Variants in ARHGEF11 observed in about 807,000 individuals in gnomAD.
ARHGEF11 encodes Rho guanine exchange factor (GEF) 11.
A neutral mutation model predicts 193.7 loss-of-function variants in ARHGEF11; 55 were observed. The ratio of observed to expected loss-of-function variants is 0.28; its 90% CI spans 0.23 to 0.36. The LOEUF (loss-of-function observed/expected upper bound fraction) is 0.36, where lower values mean the gene tolerates loss of function less well. Among genes scored for constraint, ARHGEF11 ranks in the 10% least tolerant of loss-of-function variants. The pLI, the probability that ARHGEF11 is intolerant of heterozygous loss-of-function variation, is 1.00. For synonymous variants in ARHGEF11, 693 were observed against 768.0 expected, an observed-to-expected ratio of 0.90 and a Z score of 1.62; for missense variants, 1,723 against 2,005.6, an observed-to-expected ratio of 0.86 and a Z score of 2.69.
chr1:157,044,803 G>T lies in ARHGEF11; in HGVS notation c.-473C>A. The T allele has an allele frequency of 3.1e-6, 1 of 322,244 alleles. No individual in the cohort carries two copies. The highest frequency in any genetic ancestry group is 5.6e-6 in the Non-Finnish European group (1 of 179,648). 20.0% of individuals were successfully genotyped at this position (322,244 alleles called of 1,614,324 possible). ...AGACCCTCTAGCTCAAAGGGGGAAA[G>T]TAATTTTCTAGTCTCCAATGCTTAA... is the stretch of plus-strand genomic sequence containing the variant. On this transcript the variant is annotated 5_prime_UTR_variant, in exon 1 of 41. Transcript: ENST00000368194.
chr1:156,986,026 C>T (rs1571366245), intron 2 of ARHGEF11, 56 bp downstream of exon 2: 6 of 1,455,658 alleles, frequency 4.1e-6, no homozygotes, highest in Non-Finnish European at 5.8e-6. Flanking sequence ...GCTGGGAATA[C>T]AGGCATGTGC....
intron 7 of ARHGEF11, among the ~76,000 whole-genome samples, chr1:156,972,231 C>T (rs142479341): frequency 8.1e-4 from 123 of 152,322 alleles, no homozygotes; most frequent in Non-Finnish European, 1.3e-3. Flanking sequence ...GAAGCAGTGT[C>T]GACTACAACA....
In ARHGEF11 at chr1:156,937,056, C is replaced by A. The variant is rs1336052971; in HGVS notation, c.4441-51G>T. On this transcript the variant is annotated intron_variant, in intron 39 of 40. Transcript: ENST00000368194. Reference sequence around the variant, plus strand: ...TGCTCGAGTCCTTCTATTCCTAAGGCCCCTGGGGAAGGGGTCTGTGCTGGG... The same window carrying A: ...TGCTCGAGTCCTTCTATTCCTAAGGACCCTGGGGAAGGGGTCTGTGCTGGG... 8 of 1,593,194 alleles carry A rather than the reference C, an allele frequency of 5.0e-6. No homozygotes were observed. The East Asian group carries it at 1.6e-4, about 31-fold the overall frequency.
Position 156,948,119 on chromosome 1 carries a change from C to A in ARHGEF11, c.2153+62G>T. On this transcript the variant is annotated intron_variant, in intron 24 of 40. Transcript: ENST00000368194. The surrounding 1 kb of genome is among the most constrained non-coding windows in gnomAD (Gnocchi z 4.2). Reference sequence around the variant, plus strand: ...ACCAGCCCCTTGCAGGTGAGAGGAGCAGCTGGGTGTGGATGGGACACAGAG... The same window carrying A: ...ACCAGCCCCTTGCAGGTGAGAGGAGAAGCTGGGTGTGGATGGGACACAGAG... 6.5e-7 allele frequency: 1 copy of A among 1,538,426 alleles called. No individual in the cohort carries two copies.
chr1:156,964,163 C>T (rs966938692), intron 11 of ARHGEF11, among the ~76,000 whole-genome samples: 6 of 152,124 alleles, frequency 3.9e-5, no homozygotes, highest in African/African-American at 1.4e-4. Flanking sequence ...ATTTTGTTTG[C>T]CCGCTCAAGA....
intron 3 of ARHGEF11, among the ~76,000 whole-genome samples, chr1:156,981,276 C>CA (rs1485754108): frequency 6.6e-6 from 1 of 151,822 alleles, no homozygotes. Flanking sequence ...CTCCTGGGCT[C>CA]AAGTGATCCT....
intron 1 of ARHGEF11, among the ~76,000 whole-genome samples, chr1:157,009,471 A>C (rs151331492): frequency 6.6e-6 from 1 of 152,346 alleles, no homozygotes; most frequent in African/African-American, 2.4e-5. Context: ...AAGAGAAGTT[A>C]AGTCCAAATC....
intron 1 of ARHGEF11, among the ~76,000 whole-genome samples, chr1:156,993,655 T>G (rs1397832894): frequency 6.6e-6 from 1 of 152,136 alleles, no homozygotes; most frequent in Non-Finnish European, 1.5e-5. Flanking sequence ...GTTTCCCTTA[T>G]CTCCCAGGGT....
intron 10 of ARHGEF11, 23 bp downstream of exon 10, chr1:156,969,259 G>A (rs1302968967): frequency 6.4e-7 from 1 of 1,572,380 alleles, no homozygotes; most frequent in East Asian, 2.3e-5. Flanking sequence ...GTTCTGAATG[G>A]GCCTTGCCCT....
chr1:156,977,852 G>A (rs1418433365), intron 6 of ARHGEF11, among the ~76,000 whole-genome samples: 1 of 152,152 alleles, frequency 6.6e-6, no homozygotes, highest in African/African-American at 2.4e-5. Context: ...AACACTGACT[G>A]GCAATGGTCT....
At chr1:157,019,350 G>A (rs1265842165) in intron 1 of ARHGEF11, among the ~76,000 whole-genome samples, 1 of 152,184 alleles carries the variant, frequency 6.6e-6, no homozygotes, top group Non-Finnish European at 1.5e-5. Context: ...TACTATGTAT[G>A]TACTAACATG....
intron 38 of ARHGEF11, 40 bp from the exon 39 acceptor site, chr1:156,937,536 G>A: frequency 6.7e-7 from 1 of 1,502,004 alleles, no homozygotes. Flanking sequence ...GAGGCAAACA[G>A]AGAAGTCGAA....
chr1:156,999,136 T>A (rs924385958), intron 1 of ARHGEF11, among the ~76,000 whole-genome samples: 1 of 152,218 alleles, frequency 6.6e-6, no homozygotes, highest in African/African-American at 2.4e-5. Flanking sequence ...CTTATCTTTT[T>A]ATATATCCTT....
At chr1:157,032,147 C>T (rs114749640) in intron 1 of ARHGEF11, among the ~76,000 whole-genome samples, 1,946 of 152,266 alleles carry the variant, frequency 0.013, 38 homozygotes, top group African/African-American at 0.044. Flanking sequence ...CTCTAGTAGA[C>T]AGGATTTATT....
chr1:156,956,139 CAG>C (rs1659910750), intron 19 of ARHGEF11, among the ~76,000 whole-genome samples: 1 of 152,114 alleles, frequency 6.6e-6, no homozygotes, highest in Non-Finnish European at 1.5e-5. Context: ...TTTTTTCAGA[CAG>C]AGTCTCACTC....
rs565313287 is a variant in ARHGEF11, at chr1:157,030,325, T to C, written c.32+13974A>G. ...GAGTGCTGAGCCACTTTTGAGGAGA[T>C]TGCATCTTTCCCAGCCTCACTGAAA... On this transcript the variant is annotated intron_variant, in intron 1 of 40. Transcript: ENST00000368194. Among the ~76,000 whole-genome samples the C allele has an allele frequency of 9.2e-5, 14 of 152,136 alleles. No individual in the cohort carries two copies. In the East Asian group the frequency reaches 1.9e-3, roughly 21 times the overall value.
At position 157,044,338 on chromosome 1, in the gene ARHGEF11, C is replaced by A; in HGVS notation, c.-8G>T. ...GGGTAACCTTACACTCATGGTTTCT[C>A]GGTGTCTCCACGGTTCCAGAATCCT... is the stretch of plus-strand genomic sequence containing the variant. On this transcript the variant is annotated 5_prime_UTR_variant, in exon 1 of 41. Transcript: ENST00000368194. 1 of 1,613,686 alleles carries A rather than the reference C, an allele frequency of 6.2e-7. No homozygotes were observed. Among genetic ancestry groups the A allele is most frequent in the Non-Finnish European group, 8.5e-7 (1 of 1,179,842 alleles).
intron 1 of ARHGEF11, among the ~76,000 whole-genome samples, chr1:157,039,030 AAAC>A (rs762667343): frequency 3.9e-5 from 6 of 152,050 alleles, no homozygotes; most frequent in Non-Finnish European, 8.8e-5. Flanking sequence ...AAAAAACAAA[AAAC>A]AAAACCACCT....
chr1:157,036,066 TG>T (rs1317249245), intron 1 of ARHGEF11, among the ~76,000 whole-genome samples: 3 of 143,164 alleles, frequency 2.1e-5, no homozygotes. Context: ...AATATATATA[TG>T]AATCTATATG....
Sources: gnomAD v4.1 joint callset for allele counts (sites outside exome capture counted in the v4.1 genomes callset) on GRCh38, gnomAD v4.1.1 for gene constraint, Gnocchi (gnomAD v3.1) non-coding constraint, MANE v1.5 for transcripts, NCBI Gene and HGNC (gene_info 2026-07-23, HGNC 2026-07-21) for gene names.